The following ZNF10 variants were observed in gnomAD, a reference collection of about 807,000 sequenced individuals.
ZNF10 encodes the protein zinc finger protein 10 (KOX 1).
Under a neutral mutation model 12.2 loss-of-function variants are expected in ZNF10, and 8 were observed. The observed-to-expected ratio is 0.66, with a 90% confidence interval of 0.39 to 1.18. The LOEUF (loss-of-function observed/expected upper bound fraction) is 1.18. Among genes scored for constraint, ZNF10 ranks in the 50% most tolerant of loss-of-function variants. The probability of loss-of-function intolerance (pLI) is 0.01; values close to 1 mark genes in which losing one functional copy is unlikely to be tolerated. For synonymous variants in ZNF10, 229 were observed against 228.2 expected (o/e 1.00, Z -0.03); for missense variants, 603 against 678.9 (o/e 0.89, Z 1.24).
At chr12:133,150,037 C>G (rs1195544173) in intron 2 of ZNF10, among the ~76,000 whole-genome samples, 2 of 152,106 alleles carry the variant, frequency 1.3e-5, no homozygotes, top group African/African-American at 4.8e-5. Flanking sequence ...GTTGTGTGTA[C>G]GTTGAAAAAC....
intron 1 of ZNF10, among the ~76,000 whole-genome samples, chr12:133,138,387 TAA>T (rs139776989): frequency 0.19 from 26,923 of 140,238 alleles, 3,077 homozygotes; most frequent in Non-Finnish European, 0.27. Flanking sequence ...AGACCCTGTC[TAA>T]AAAAAAAAAA....
At chr12:133,152,639 C>T (rs1956015927) in intron 4 of ZNF10, among the ~76,000 whole-genome samples, 1 of 152,212 alleles carries the variant, frequency 6.6e-6, no homozygotes, top group South Asian at 2.1e-4. Context: ...TGGTCTCGAA[C>T]TCCTGACCTC....
At chr12:133,136,322 A>G (rs930709266) in intron 1 of ZNF10, among the ~76,000 whole-genome samples, 4 of 151,734 alleles carry the variant, frequency 2.6e-5, no homozygotes, top group Admixed American at 6.6e-5. Flanking sequence ...TTTCATTCCT[A>G]TTGTGGAATT....
chr12:133,159,381 G>A lies in ZNF10; in HGVS notation c.*2413G>A, dbSNP rs1251812047. 1.3e-5 allele frequency: 2 copies of A among 152,188 alleles called. No homozygotes were observed. The highest frequency in any genetic ancestry group is 6.5e-5 in the Admixed American group (1 of 15,272). The allele number at this position is 152,188 out of a possible 1,614,324, so 9.4% of individuals were successfully genotyped here. On this transcript the variant is annotated 3_prime_UTR_variant, in exon 5 of 5. Transcript: ENST00000248211. ...TGGTAAAGGAAAAATGCTGTCATGT[G>A]TTACAAAAGCATGATAAATAATTGT...
rs994079071 is a variant in ZNF10 at position 133,157,124 on chromosome 12, C to T, written c.*156C>T. Reference sequence around the variant, plus strand: ...AATTGGTCCTGGAAGGGAAAGAAACCACAGATTTTATTTCAGTACACAAAT... The same window carrying T: ...AATTGGTCCTGGAAGGGAAAGAAACTACAGATTTTATTTCAGTACACAAAT... On this transcript the variant is annotated 3_prime_UTR_variant, in exon 5 of 5. Coordinates refer to ENST00000248211, the MANE Select transcript of ZNF10 (RefSeq NM_015394.5). 19 of 613,832 alleles carry T rather than the reference C, an allele frequency of 3.1e-5. No homozygotes were observed. Among genetic ancestry groups the T allele is most frequent in the Non-Finnish European group, 1.7e-5 (7 of 422,170 alleles). The allele number at this position is 613,832 out of a possible 1,614,324, so 38.0% of individuals were successfully genotyped here.
rs1402991144 is a variant in ZNF10, at chr12:133,155,724, C to T, written c.478C>T (p.Gln160Ter). 6.2e-7 allele frequency: 1 copy of T among 1,611,856 alleles called. No homozygotes were observed. Among genetic ancestry groups the T allele is most frequent in the Non-Finnish European group, 8.5e-7 (1 of 1,179,218 alleles). Reference sequence around the variant, plus strand: ...ATTCACCCAAAAGAAAGTACTTACTCAGGAGAGAGTCTCTGAAAGTGGTAA... The same window carrying T: ...ATTCACCCAAAAGAAAGTACTTACTTAGGAGAGAGTCTCTGAAAGTGGTAA... ...VAFTQKKVLTQERVSESGKYG... is the reference protein window; with the variant it reads ...VAFTQKKVLT The change falls in exon 5 of 5, where the codon CAG (glutamine) becomes TAG (stop). Residue 160 changes from glutamine (Q) to a stop codon, truncating the protein, a stop_gained. Transcript: ENST00000248211. LOFTEE classifies it low-confidence loss of function (END_TRUNC).
chr12:133,159,298 G>T lies in ZNF10; in HGVS notation c.*2330G>T, dbSNP rs1188638948. ...AAAAATGTACACTAGCATAATATTTGTGGCATATCCGTGTAATGGAAGATT... is the reference window on the plus strand; with the variant it reads ...AAAAATGTACACTAGCATAATATTTTTGGCATATCCGTGTAATGGAAGATT... On this transcript the variant is annotated 3_prime_UTR_variant, in exon 5 of 5. Coordinates refer to ENST00000248211, the MANE Select transcript of ZNF10 (RefSeq NM_015394.5). 1 of 152,244 alleles carries T rather than the reference G, an allele frequency of 6.6e-6. No homozygotes were observed. The highest frequency in any genetic ancestry group is 1.5e-5 in the Non-Finnish European group (1 of 68,038). 9.4% of individuals were successfully genotyped at this position (152,244 alleles called of 1,614,324 possible).
At chr12:133,131,788 G>T (rs1955878991) in intron 1 of ZNF10, among the ~76,000 whole-genome samples, 1 of 152,126 alleles carries the variant, frequency 6.6e-6, no homozygotes, top group East Asian at 1.9e-4. Context: ...TTAGCTCTTA[G>T]TATATGCTAG....
At chr12:133,132,144 A>G (rs1267174160) in intron 1 of ZNF10, among the ~76,000 whole-genome samples, 12 of 152,222 alleles carry the variant, frequency 7.9e-5, no homozygotes, top group Admixed American at 6.5e-4. Context: ...CTAGAAATAT[A>G]TGTGAACTAT....
chr12:133,146,811 A>T (rs1955978743), intron 2 of ZNF10, among the ~76,000 whole-genome samples: 1 of 151,572 alleles, frequency 6.6e-6, no homozygotes, highest in Admixed American at 6.6e-5. Flanking sequence ...GTGCCACTTC[A>T]CTCTACCCTA....
chr12:133,138,584 G>A (rs1006930396), intron 1 of ZNF10, among the ~76,000 whole-genome samples: 27 of 152,118 alleles, frequency 1.8e-4, no homozygotes, highest in African/African-American at 6.0e-4. Flanking sequence ...CCACACATAT[G>A]TCCTAATCCT....
intron 4 of ZNF10, among the ~76,000 whole-genome samples, chr12:133,153,927 C>G (rs1476507793): frequency 6.6e-6 from 1 of 152,142 alleles, no homozygotes; most frequent in African/African-American, 2.4e-5. Context: ...GTCTTGGTCT[C>G]CATGTTCACA....
chr12:133,133,031 GTAT>G (rs1285552807), intron 1 of ZNF10, among the ~76,000 whole-genome samples: 1 of 152,048 alleles, frequency 6.6e-6, no homozygotes, highest in Non-Finnish European at 1.5e-5. Flanking sequence ...GAATACGTAT[GTAT>G]TATTAATTAG....
intron 4 of ZNF10, among the ~76,000 whole-genome samples, chr12:133,152,753 T>C (rs1164180805): frequency 6.6e-6 from 1 of 152,134 alleles, no homozygotes; most frequent in Non-Finnish European, 1.5e-5. Flanking sequence ...AAAAATTTAT[T>C]TATAGGCATT....
intron 4 of ZNF10, among the ~76,000 whole-genome samples, chr12:133,153,083 T>A (rs561540893): frequency 6.6e-6 from 1 of 152,166 alleles, no homozygotes; most frequent in East Asian, 1.9e-4. Flanking sequence ...TTCTATTTTG[T>A]TCATCTAGTA....
chr12:133,131,077 T>G (rs1252118610), intron 1 of ZNF10: 1 of 152,196 alleles, frequency 6.6e-6, no homozygotes, highest in East Asian at 1.9e-4. Flanking sequence ...TAACTTCCAT[T>G]TTTCCCCCCA....
At chr12:133,152,768 T>C (rs1488623224) in intron 4 of ZNF10, among the ~76,000 whole-genome samples, 1 of 152,042 alleles carries the variant, frequency 6.6e-6, no homozygotes, top group African/African-American at 2.4e-5. Context: ...GGCATTTCCC[T>C]GCATCTCAGA....
At chr12:133,144,893 T>C (rs902616804) in intron 2 of ZNF10, 1 of 455,160 alleles carries the variant, frequency 2.2e-6, no homozygotes. Context: ...TCTTTTTTTG[T>C]TGTTGTTTAG....
chr12:133,150,024 A>AAC (rs1255688120), intron 2 of ZNF10, among the ~76,000 whole-genome samples: 2 of 152,176 alleles, frequency 1.3e-5, no homozygotes, highest in Non-Finnish European at 2.9e-5. Flanking sequence ...CCTTTTTGTT[A>AAC]AAGTTGTGTG....
Sources: gnomAD v4.1 joint callset for allele counts (sites outside exome capture counted in the v4.1 genomes callset) on GRCh38, gnomAD v4.1.1 for gene constraint, MANE v1.5 for transcripts, NCBI Gene and HGNC (gene_info 2026-07-23, HGNC 2026-07-21) for gene names.